NKTR: variants seen among roughly 807,000 people sequenced by gnomAD.
The protein encoded by NKTR is natural killer cell triggering receptor, also known as NK-tumor recognition protein.
NKTR carries 67 observed loss-of-function variants against 156.3 expected under a neutral mutation model. The observed-to-expected ratio is 0.43, with a 90% CI of 0.35 to 0.53. The LOEUF (loss-of-function observed/expected upper bound fraction) is 0.53. Among genes scored for constraint, NKTR ranks in the 20% least tolerant of loss-of-function variants. NKTR has a pLI of 0.01. For missense variants in NKTR, 1,604 were observed against 1,730.9 expected, an observed-to-expected ratio of 0.93 and a Z score of 1.30; for synonymous variants, 640 against 596.6, an observed-to-expected ratio of 1.07 and a Z score of -1.06.
chr3:42,615,186 CT>C (rs1707233466), intron 2 of NKTR, among the ~76,000 whole-genome samples: 1 of 151,668 alleles, frequency 6.6e-6, no homozygotes, highest in Admixed American at 6.6e-5. Flanking sequence ...TCAAGCGATT[CT>C]TTTGCCTCAG....
At chr3:42,619,426 T>G in intron 4 of NKTR, 1 of 1,324,560 alleles carries the variant, frequency 7.5e-7, no homozygotes, top group Non-Finnish European at 9.8e-7. Context: ...ATGTTTTTGG[T>G]GTTATTACTG....
chr3:42,629,875 A>T (rs1708735089), intron 6 of NKTR: 1 of 985,302 alleles, frequency 1.0e-6, no homozygotes, highest in South Asian at 4.7e-5. Flanking sequence ...TGGGCCAAGG[A>T]AATTTAAAAT....
chr3:42,638,573 A>G lies in NKTR; in HGVS notation c.2869A>G (p.Thr957Ala). 1 of 1,614,096 alleles carries G rather than the reference A, an allele frequency of 6.2e-7. No individual in the cohort carries two copies. The highest frequency in any genetic ancestry group is 8.5e-7 in the Non-Finnish European group (1 of 1,180,008). ...GAAATCAAGCAAACAGCGCACATCAACTTCTGACTCTGAGGGGTCCTGTTC... is the reference window on the plus strand; with the variant it reads ...GAAATCAAGCAAACAGCGCACATCAGCTTCTGACTCTGAGGGGTCCTGTTC... ...AWKSSKQRTS[T>A]SDSEGSCSNS... is the part of the protein sequence containing the mutation. The change falls in exon 13 of 17, where the codon ACT becomes GCT. Residue 957 changes from threonine (T) to alanine (A), a missense_variant. This residue lies in a region of NKTR where 1,255 missense variants were observed against 1,243.7 expected (regional missense o/e 1.01). Coordinates refer to ENST00000232978, the MANE Select transcript of NKTR (RefSeq NM_005385.4).
At chr3:42,628,701 C>G in intron 6 of NKTR, 2 of 985,232 alleles carry the variant, frequency 2.0e-6, no homozygotes, top group South Asian at 9.4e-5. Context: ...GAAAAATTTA[C>G]TTTTTTAAAA....
At chr3:42,625,540 G>A (rs1708295933) in intron 6 of NKTR, among the ~76,000 whole-genome samples, 1 of 152,192 alleles carries the variant, frequency 6.6e-6, no homozygotes, top group Non-Finnish European at 1.5e-5. Flanking sequence ...AGCAAGGAGA[G>A]TTGAGGAGTA....
At chr3:42,624,605 T>G (rs1489239387) in intron 6 of NKTR, among the ~76,000 whole-genome samples, 1 of 152,130 alleles carries the variant, frequency 6.6e-6, no homozygotes, top group African/African-American at 2.4e-5. Context: ...AGAAATTTTA[T>G]TTACAATCTG....
In NKTR at chr3:42,637,713, A is replaced by G. The variant is rs145197645; in HGVS notation, c.2009A>G (p.Asn670Ser). ...TCATCCTACCATAAAAGAGAAAAAAATTCGGAAAGTGATCAGAGCACTTAT... is the reference window on the plus strand; with the variant it reads ...TCATCCTACCATAAAAGAGAAAAAAGTTCGGAAAGTGATCAGAGCACTTAT... ...SSSSYHKREKNSESDQSTYSK... is the reference protein window; with the variant it reads ...SSSSYHKREKSSESDQSTYSK... Residue 670 changes from asparagine (N) to serine (S), a missense_variant, in exon 13 of 17, where the codon AAT (asparagine) becomes AGT (serine). By Grantham distance (46) the Asn-to-Ser change is conservative. Around this residue, in one of 6 missense-constraint regions of NKTR, gnomAD observed 1,255 missense variants for 1,243.7 expected, o/e 1.01. Transcript: ENST00000232978. The G allele has an allele frequency of 2.2e-5, 35 of 1,614,140 alleles. No homozygotes were observed. In the African/African-American group the frequency reaches 2.8e-4, roughly 13 times the overall value.
chr3:42,635,193 T>A (rs539321379), intron 11 of NKTR, 28 bp from the exon 12 acceptor site: 184 of 1,598,672 alleles, frequency 1.2e-4, no homozygotes, highest in South Asian at 7.5e-4. Context: ...AGGCATTTTT[T>A]AAAATACTAT....
In NKTR at chr3:42,647,369, T is replaced by G. The variant is rs1276890628; in HGVS notation, c.*1394T>G. 1 of 151,448 alleles carries G rather than the reference T, an allele frequency of 6.6e-6. No individual in the cohort carries two copies. Among genetic ancestry groups the G allele is most frequent in the Non-Finnish European group, 1.5e-5 (1 of 67,948 alleles). 9.4% of individuals were successfully genotyped at this position (151,448 alleles called of 1,614,324 possible). A position where few individuals can be genotyped will look rare whatever the true frequency, so the allele number is the denominator to read the frequency against. On this transcript the variant is annotated 3_prime_UTR_variant, in exon 17 of 17. Transcript: ENST00000232978. ...GTACTTAATCACCTTAGTGCCAGTTTAATCCAGTTATGCAGAAGAAATTCA... is the reference window on the plus strand; with the variant it reads ...GTACTTAATCACCTTAGTGCCAGTTGAATCCAGTTATGCAGAAGAAATTCA...
intron 14 of NKTR, among the ~76,000 whole-genome samples, chr3:42,642,924 A>G (rs1048547195): frequency 1.3e-5 from 2 of 152,198 alleles, no homozygotes; most frequent in African/African-American, 4.8e-5. Flanking sequence ...GGATAGGAAG[A>G]TTGTAGAGAG....
At chr3:42,634,754 C>A in intron 11 of NKTR, 54 bp downstream of exon 11, 1 of 963,808 alleles carries the variant, frequency 1.0e-6, no homozygotes, top group African/African-American at 1.7e-5. Flanking sequence ...AAATTTTTAC[C>A]TATTTTCAAA....
chr3:42,604,187 T>C (rs1161179334), intron 2 of NKTR, among the ~76,000 whole-genome samples: 2 of 152,250 alleles, frequency 1.3e-5, no homozygotes, highest in Non-Finnish European at 2.9e-5. Flanking sequence ...CTTTTGTCTT[T>C]TTCCTTTGTC....
chr3:42,644,368 AT>A (rs1401962283), intron 16 of NKTR, among the ~76,000 whole-genome samples: 1 of 152,210 alleles, frequency 6.6e-6, no homozygotes, highest in African/African-American at 2.4e-5. Flanking sequence ...AAATAAAAAA[AT>A]ACATAATATA....
In NKTR at chr3:42,621,441, T is replaced by C. The variant is rs1300327174; in HGVS notation, c.299T>C (p.Ile100Thr). The C allele has an allele frequency of 1.9e-6, 3 of 1,606,156 alleles. No individual in the cohort carries two copies. The highest frequency in any genetic ancestry group is 2.5e-6 in the Non-Finnish European group (3 of 1,177,042). Reference protein sequence around the residue: ...YGGYFKDENFILKHDRAFLLS... With the variant: ...YGGYFKDENFTLKHDRAFLLS... ...TTTCTTCAAACAGATGAAAACTTTATTCTCAAACATGACAGAGCGTTCCTT... is the reference window on the plus strand; with the variant it reads ...TTTCTTCAAACAGATGAAAACTTTACTCTCAAACATGACAGAGCGTTCCTT... Residue 100 changes from isoleucine (I) to threonine (T), a missense_variant, in exon 6 of 17, where the codon ATT becomes ACT. This residue lies in a region of NKTR where 61 missense variants were observed against 113.3 expected (regional missense o/e 0.54). Coordinates refer to ENST00000232978, the MANE Select transcript of NKTR (RefSeq NM_005385.4).
chr3:42,601,128 A>G (rs779197295), intron 2 of NKTR, 64 bp downstream of exon 2: 4 of 1,286,120 alleles, frequency 3.1e-6, no homozygotes, highest in Non-Finnish European at 4.2e-6. Flanking sequence ...GGAGGGGTCT[A>G]CCCTCAGCAA....
chr3:42,617,790 T>C (rs1707518541), intron 3 of NKTR, 146 bp downstream of exon 3: 1 of 530,604 alleles, frequency 1.9e-6, no homozygotes, highest in Middle Eastern at 3.6e-4. Context: ...TACTGACTTT[T>C]ATATGAAATC....
intron 5 of NKTR, chr3:42,619,935 C>T (rs1707750517): frequency 1.4e-6 from 2 of 1,479,496 alleles, no homozygotes; most frequent in Non-Finnish European, 1.8e-6. Context: ...ACATGACTTT[C>T]AGCATGGAGG....
In NKTR at chr3:42,607,214, C is replaced by A. The variant is rs536483643; in HGVS notation, c.58+6150C>A. Among the ~76,000 whole-genome samples, 10 of 152,222 alleles carry A rather than the reference C, an allele frequency of 6.6e-5. No individual in the cohort carries two copies. The East Asian group carries it at 1.9e-3, about 29-fold the overall frequency. On this transcript the variant is annotated intron_variant, in intron 2 of 16. Coordinates refer to ENST00000232978, the MANE Select transcript of NKTR (RefSeq NM_005385.4). ...CTCTTTTTGTGTCGATACTGTGTTACTTTTGACATGGGGTGGGTGCGTGCG... is the reference window on the plus strand; with the variant it reads ...CTCTTTTTGTGTCGATACTGTGTTAATTTTGACATGGGGTGGGTGCGTGCG...
chr3:42,604,256 G>A (rs1705945895), intron 2 of NKTR, among the ~76,000 whole-genome samples: 1 of 152,106 alleles, frequency 6.6e-6, no homozygotes, highest in African/African-American at 2.4e-5. Context: ...TGATCTGATT[G>A]AATTTTGTTT....
Sources: gnomAD v4.1 joint callset for allele counts (sites outside exome capture counted in the v4.1 genomes callset) on GRCh38, gnomAD v4.1.1 for gene constraint, gnomAD v4.1.1 regional missense constraint, MANE v1.5 for transcripts, NCBI Gene and HGNC (gene_info 2026-07-23, HGNC 2026-07-21) for gene names.